Variants in FAM228A observed in about 807,000 individuals in gnomAD.
The protein encoded by FAM228A is protein FAM228A.
FAM228A carries 13 observed loss-of-function variants against 18.6 expected under a neutral mutation model. The ratio of observed to expected loss-of-function variants is 0.70; its 90% CI spans 0.45 to 1.11. The LOEUF (loss-of-function observed/expected upper bound fraction) is 1.11. Ranked by LOEUF, FAM228A falls within the 50% of genes least tolerant of loss-of-function variation. The probability of loss-of-function intolerance (pLI) is 0.00; values close to 1 mark genes in which losing one functional copy is unlikely to be tolerated. For missense variants in FAM228A, 240 were observed against 242.2 expected (o/e 0.99, Z 0.06); for synonymous variants, 77 against 86.6 (o/e 0.89, Z 0.61).
chr2:24,190,397 T>C lies in FAM228A; in HGVS notation c.402-15T>C. ...TGTGCTGAATCGAGACAATTTTTTC[T>C]GCTTTTCTTCACAGTCCTGAAAAGC... is the stretch of plus-strand genomic sequence containing the variant. On this transcript the variant is annotated splice_polypyrimidine_tract_variant and intron_variant, in intron 5 of 5. Transcript: ENST00000295150. 2 of 1,580,746 alleles carry C rather than the reference T, an allele frequency of 1.3e-6. No homozygotes were observed. Among genetic ancestry groups the C allele is most frequent in the Non-Finnish European group, 8.6e-7 (1 of 1,166,540 alleles).
intron 5 of FAM228A, among the ~76,000 whole-genome samples, chr2:24,187,856 C>T (rs1377229451): frequency 6.6e-6 from 1 of 152,244 alleles, no homozygotes; most frequent in East Asian, 1.9e-4. Flanking sequence ...GTCTTTTCCC[C>T]TGGATGCTTT....
At chr2:24,183,418 T>C in intron 4 of FAM228A, 46 bp downstream of exon 4, 1 of 1,607,114 alleles carries the variant, frequency 6.2e-7, no homozygotes, top group Non-Finnish European at 8.5e-7. Flanking sequence ...CTGCTAATTG[T>C]CCAGTGATTT....
At chr2:24,183,419 C>T (rs749041999) in intron 4 of FAM228A, 47 bp downstream of exon 4, 1 of 1,607,150 alleles carries the variant, frequency 6.2e-7, no homozygotes, top group Non-Finnish European at 8.5e-7. Context: ...TGCTAATTGT[C>T]CAGTGATTTC....
chr2:24,183,421 A>G (rs1332062464), intron 4 of FAM228A, 49 bp downstream of exon 4: 19 of 1,610,234 alleles, frequency 1.2e-5, no homozygotes, highest in Non-Finnish European at 1.6e-5. Context: ...CTAATTGTCC[A>G]GTGATTTCTC....
At chr2:24,187,067 CTT>C (rs1216467559) in intron 5 of FAM228A, among the ~76,000 whole-genome samples, 2 of 152,142 alleles carry the variant, frequency 1.3e-5, no homozygotes, top group African/African-American at 4.8e-5. Flanking sequence ...AACATTTTGC[CTT>C]TCTCTCTCTC....
chr2:24,186,752 C>T (rs1006055447), intron 5 of FAM228A, among the ~76,000 whole-genome samples: 2 of 152,074 alleles, frequency 1.3e-5, no homozygotes, highest in African/African-American at 4.8e-5. Context: ...GATTCTCCTG[C>T]CTCAGCCTCC....
intron 5 of FAM228A, among the ~76,000 whole-genome samples, chr2:24,186,965 T>A (rs867442558): frequency 6.6e-6 from 1 of 152,354 alleles, no homozygotes; most frequent in Middle Eastern, 3.4e-3. Flanking sequence ...GACTCATTTT[T>A]AAAATATTTT....
rs755081557 is a variant in FAM228A at position 24,177,887 on chromosome 2, C to T, written c.162+17C>T. On this transcript the variant is annotated intron_variant, in intron 3 of 5. Coordinates refer to ENST00000295150, the MANE Select transcript of FAM228A (RefSeq NM_001040710.3). ...ATTGTGAAGGTAAGAGTTGGCTCCA[C>T]GCTGCATTCTACATATGTTCTAGGG... The T allele has an allele frequency of 1.7e-5, 27 of 1,551,192 alleles. 1 individual carries two copies. Among genetic ancestry groups the T allele is most frequent in the Middle Eastern group, 3.3e-4 (2 of 5,972 alleles).
At position 24,191,539 on chromosome 2, in the gene FAM228A, A is replaced by G; in HGVS notation, c.*908A>G. Reference sequence around the variant, plus strand: ...TATTTTTCAAATATTCAAGATGTACAACGTGATGATTTGCTATAGGTATTC... The same window carrying G: ...TATTTTTCAAATATTCAAGATGTACGACGTGATGATTTGCTATAGGTATTC... On this transcript the variant is annotated 3_prime_UTR_variant, in exon 6 of 6. Transcript: ENST00000295150. The G allele has an allele frequency of 1.0e-6, 1 of 968,092 alleles. No individual in the cohort carries two copies. The highest frequency in any genetic ancestry group is 1.2e-6 in the Non-Finnish European group (1 of 814,026). 60.0% of individuals were successfully genotyped at this position (968,092 alleles called of 1,614,324 possible). A position where few individuals can be genotyped will look rare whatever the true frequency, so the allele number is the denominator to read the frequency against.
chr2:24,182,802 T>C (rs1216864518), intron 3 of FAM228A, among the ~76,000 whole-genome samples: 1 of 151,874 alleles, frequency 6.6e-6, no homozygotes, highest in Non-Finnish European at 1.5e-5. Flanking sequence ...AAATATTTAC[T>C]GGCTGATGCA....
At chr2:24,180,342 C>T (rs1667787885) in intron 3 of FAM228A, among the ~76,000 whole-genome samples, 2 of 150,244 alleles carry the variant, frequency 1.3e-5, no homozygotes, top group African/African-American at 4.9e-5. Flanking sequence ...GTCCCAGCTA[C>T]TTGGGAGGTT....
At chr2:24,176,220 G>T in intron 2 of FAM228A, 1 of 983,132 alleles carries the variant, frequency 1.0e-6, no homozygotes, top group Non-Finnish European at 1.2e-6. Context: ...CTTTAAGAAG[G>T]TGACTTCCCA....
intron 3 of FAM228A, among the ~76,000 whole-genome samples, chr2:24,181,057 T>C (rs1019723157): frequency 1.7e-5 from 2 of 120,188 alleles, no homozygotes; most frequent in African/African-American, 5.5e-5. Context: ...ACGGACTTTC[T>C]TGAGGTTAAA....
intron 2 of FAM228A, chr2:24,176,032 A>G (rs1667682175): frequency 3.0e-6 from 3 of 985,334 alleles, no homozygotes. Context: ...TGTGCACAGA[A>G]AGCTGTGGAT....
At chr2:24,177,712 A>G in intron 2 of FAM228A, 90 bp from the exon 3 acceptor site, 1 of 725,836 alleles carries the variant, frequency 1.4e-6, no homozygotes, top group Non-Finnish European at 2.3e-6. Flanking sequence ...CAAGATTTAC[A>G]CTAAAACTAT....
chr2:24,175,912 T>G, intron 2 of FAM228A: 1 of 1,068,560 alleles, frequency 9.4e-7, no homozygotes, highest in Non-Finnish European at 1.1e-6. Flanking sequence ...CATTATTTTG[T>G]GTCATCCTAT....
In FAM228A at chr2:24,191,189, G is replaced by T. The variant is rs1047329748; in HGVS notation, c.*558G>T. ...GTCTATTTCCCCTTCCATTCTCTCC[G>T]CCACGCCCTGTGCCCTGAGGCCTGA... On this transcript the variant is annotated 3_prime_UTR_variant, in exon 6 of 6. Coordinates refer to ENST00000295150, the MANE Select transcript of FAM228A (RefSeq NM_001040710.3). 5.1e-6 allele frequency: 5 copies of T among 985,312 alleles called. No homozygotes were observed. The highest frequency in any genetic ancestry group is 6.0e-6 in the Non-Finnish European group (5 of 830,100). The allele number at this position is 985,312 out of a possible 1,614,324, so 61.0% of individuals were successfully genotyped here.
rs775441607 is a variant in FAM228A, at chr2:24,190,752, C to A, written c.*121C>A. The A allele has an allele frequency of 2.2e-6, 3 of 1,368,590 alleles. No individual in the cohort carries two copies. The highest frequency in any genetic ancestry group is 1.9e-6 in the Non-Finnish European group (2 of 1,056,444). The allele number at this position is 1,368,590 out of a possible 1,614,324, so 84.8% of individuals were successfully genotyped here. ...GGTGGCCTCAGGCTCAGCACTGCAGCTCTGACAGGGCCCCTCGGGCGGGGA... is the reference window on the plus strand; with the variant it reads ...GGTGGCCTCAGGCTCAGCACTGCAGATCTGACAGGGCCCCTCGGGCGGGGA... On this transcript the variant is annotated 3_prime_UTR_variant, in exon 6 of 6. Transcript: ENST00000295150.
At chr2:24,180,038 T>A (rs1288637383) in intron 3 of FAM228A, among the ~76,000 whole-genome samples, 1 of 151,748 alleles carries the variant, frequency 6.6e-6, no homozygotes, top group Non-Finnish European at 1.5e-5. Flanking sequence ...AATTTAGAGA[T>A]TTTTTTTTAT....
Sources: gnomAD v4.1 joint callset for allele counts (sites outside exome capture counted in the v4.1 genomes callset) on GRCh38, gnomAD v4.1.1 for gene constraint, MANE v1.5 for transcripts, NCBI Gene and HGNC (gene_info 2026-07-23, HGNC 2026-07-21) for gene names.